Variants in TCERG1L observed in about 807,000 individuals in gnomAD.
The protein encoded by TCERG1L is transcription elongation regulator 1-like protein.
In TCERG1L, 37 loss-of-function variants were observed where a neutral mutation model predicts 56.3. The ratio of observed to expected loss-of-function variants is 0.66; its 90% CI spans 0.51 to 0.87. TCERG1L has a LOEUF of 0.87. Among genes scored for constraint, TCERG1L ranks in the 40% least tolerant of loss-of-function variants. TCERG1L has a pLI of 0.00. For synonymous variants in TCERG1L, 324 were observed against 326.3 expected (o/e 0.99, Z 0.08); for missense variants, 799 against 774.2 (o/e 1.03, Z -0.38).
chr10:131,152,290 C>T (rs1429294855), intron 6 of TCERG1L, among the ~76,000 whole-genome samples: 3 of 152,124 alleles, frequency 2.0e-5, no homozygotes, highest in Non-Finnish European at 4.4e-5. Context: ...CACCAGACAC[C>T]CTAAATCATC....
intron 4 of TCERG1L, among the ~76,000 whole-genome samples, chr10:131,225,684 A>G (rs924556811): frequency 5.3e-5 from 8 of 152,170 alleles, no homozygotes; most frequent in Non-Finnish European, 1.5e-5. Context: ...TGGAACGCAG[A>G]ATGAGAAGGC....
rs2133412679 is a variant in TCERG1L, at chr10:131,144,080, A to G, written c.1189+2426T>C. 1.3e-5 allele frequency among the ~76,000 whole-genome samples: 2 copies of G among 152,256 alleles called. 1 individual carries two copies. Among genetic ancestry groups the G allele is most frequent in the South Asian group, 4.2e-4 (2 of 4,818 alleles). ...AAGACACACGCACACGCAGGCACAC[A>G]CGCTCACACATACACACACGCTCCC... On this transcript the variant is annotated intron_variant, in intron 7 of 11. Transcript: ENST00000368642.
intron 11 of TCERG1L, 73 bp downstream of exon 11, chr10:131,098,233 A>C: frequency 6.7e-7 from 1 of 1,482,604 alleles, no homozygotes; most frequent in Non-Finnish European, 9.1e-7. Flanking sequence ...AACAAAAACA[A>C]ACCTGAAGAG....
chr10:131,204,476 C>G (rs1188123609), intron 4 of TCERG1L, among the ~76,000 whole-genome samples: 1 of 152,032 alleles, frequency 6.6e-6, no homozygotes, highest in Non-Finnish European at 1.5e-5. Flanking sequence ...GTCCATCCAC[C>G]CCAAATGCCA....
rs4751346 is a variant in TCERG1L at position 131,201,813 on chromosome 10, A to T, written c.857-34928T>A. ...ATGCTCAGCTGTGAGTGAGTTTTTC[A>T]GAGCTGCCGGCTTTGCTAAACATGG... On this transcript the variant is annotated intron_variant, in intron 4 of 11. Transcript: ENST00000368642. 6.2e-3 allele frequency among the ~76,000 whole-genome samples: 937 copies of T among 152,102 alleles called. 6 individuals are homozygous for T. The highest frequency in any genetic ancestry group is 0.011 in the Non-Finnish European group (717 of 67,994).
chr10:131,209,408 G>A (rs1392430499), intron 4 of TCERG1L, among the ~76,000 whole-genome samples: 1 of 152,228 alleles, frequency 6.6e-6, no homozygotes, highest in Non-Finnish European at 1.5e-5. Context: ...GTAAGGGGAA[G>A]TGGATACCTG....
chr10:131,125,147 ATGG>A (rs1275980876), intron 8 of TCERG1L, among the ~76,000 whole-genome samples: 3 of 150,984 alleles, frequency 2.0e-5, no homozygotes, highest in Non-Finnish European at 4.5e-5. Context: ...GGTGAGGAAG[ATGG>A]TGGTGGTGGT....
chr10:131,201,423 G>T (rs762576852), intron 4 of TCERG1L, among the ~76,000 whole-genome samples: 3 of 152,154 alleles, frequency 2.0e-5, no homozygotes, highest in East Asian at 3.9e-4. Flanking sequence ...GGAGCACAGC[G>T]CCAAGAGTTC....
intron 4 of TCERG1L, among the ~76,000 whole-genome samples, chr10:131,196,858 A>C (rs1467892690): frequency 6.6e-6 from 1 of 152,236 alleles, no homozygotes; most frequent in Non-Finnish European, 1.5e-5. Flanking sequence ...CCGTATTTGC[A>C]TTGTTGATCT....
At chr10:131,179,971 C>A (rs1845152653) in intron 4 of TCERG1L, among the ~76,000 whole-genome samples, 1 of 152,168 alleles carries the variant, frequency 6.6e-6, no homozygotes, top group South Asian at 2.1e-4. Flanking sequence ...TTTCTTCATG[C>A]TTTAGTTAAA....
intron 4 of TCERG1L, among the ~76,000 whole-genome samples, chr10:131,189,549 T>G (rs1422225289): frequency 6.6e-6 from 1 of 152,242 alleles, no homozygotes; most frequent in Non-Finnish European, 1.5e-5. Context: ...ATGTAATCTA[T>G]ATATACCACA....
intron 5 of TCERG1L, among the ~76,000 whole-genome samples, chr10:131,165,182 G>A (rs1453311392): frequency 6.6e-6 from 1 of 152,206 alleles, no homozygotes; most frequent in Non-Finnish European, 1.5e-5. Context: ...CTTGGTGACC[G>A]AGTTATCCAG....
chr10:131,163,144 T>A lies in TCERG1L; in HGVS notation c.1012A>T (p.Thr338Ser). 4 of 1,578,634 alleles carry A rather than the reference T, an allele frequency of 2.5e-6. No homozygotes were observed. Among genetic ancestry groups the A allele is most frequent in the Non-Finnish European group, 3.4e-6 (4 of 1,161,808 alleles). Residue 338 changes from threonine to serine, a missense_variant, in exon 6 of 12, where the codon ACC becomes TCC. Coordinates refer to ENST00000368642, the MANE Select transcript of TCERG1L (RefSeq NM_174937.4). ...TARGNRPVAS[T>S]PVPGSPWCVV... ...TACCAGGGGGATCCGGGCACCGGGG[T>A]GGAGGCCACTGGCCTGTTGCCTCTG... is the stretch of plus-strand genomic sequence containing the variant.
At chr10:131,109,952 T>G (rs1366099025) in intron 9 of TCERG1L, among the ~76,000 whole-genome samples, 1 of 152,186 alleles carries the variant, frequency 6.6e-6, no homozygotes, top group African/African-American at 2.4e-5. Flanking sequence ...CTCATCAAAA[T>G]GGACATCGCC....
intron 3 of TCERG1L, among the ~76,000 whole-genome samples, chr10:131,272,735 T>A (rs560024323): frequency 6.6e-6 from 1 of 152,036 alleles, no homozygotes; most frequent in Non-Finnish European, 1.5e-5. Flanking sequence ...CCCTTGGCAA[T>A]CTCCCCACAG....
chr10:131,176,274 G>A (rs1414751792), intron 4 of TCERG1L, among the ~76,000 whole-genome samples: 2 of 150,928 alleles, frequency 1.3e-5, no homozygotes, highest in East Asian at 2.0e-4. Flanking sequence ...ACACAGACAC[G>A]TGTACACACA....
At chr10:131,259,644 A>C (rs1329307396) in intron 4 of TCERG1L, among the ~76,000 whole-genome samples, 1 of 152,216 alleles carries the variant, frequency 6.6e-6, no homozygotes, top group Non-Finnish European at 1.5e-5. Context: ...ACCTCTCAGG[A>C]CACCAGAATG....
intron 9 of TCERG1L, 42 bp downstream of exon 9, chr10:131,116,757 G>C (rs1394572704): frequency 6.5e-7 from 1 of 1,542,852 alleles, no homozygotes; most frequent in Admixed American, 2.0e-5. Flanking sequence ...TGTTCCCCCG[G>C]GTCTGCCGTA....
At chr10:131,164,219 A>G (rs1772724525) in intron 5 of TCERG1L, 1 of 152,024 alleles carries the variant, frequency 6.6e-6, no homozygotes, top group Admixed American at 6.5e-5. Context: ...AAAAAGAGAG[A>G]AAAATAAGCT....
Sources: gnomAD v4.1 joint callset for allele counts (sites outside exome capture counted in the v4.1 genomes callset) on GRCh38, gnomAD v4.1.1 for gene constraint, MANE v1.5 for transcripts, NCBI Gene and HGNC (gene_info 2026-07-23, HGNC 2026-07-21) for gene names.